DPYD: variants seen among roughly 807,000 people sequenced by gnomAD.
The protein encoded by DPYD is dihydropyrimidine dehydrogenase [NADP(+)].
A neutral mutation model predicts 116.2 loss-of-function variants in DPYD; 109 were observed. The observed-to-expected ratio is 0.94, with a 90% CI of 0.80 to 1.10. The LOEUF (loss-of-function observed/expected upper bound fraction) is 1.10. DPYD is among the 50% of genes least tolerant of loss of function. The pLI is 0.00. For synonymous variants in DPYD, 440 were observed against 432.0 expected, an observed-to-expected ratio of 1.02 and a Z score of -0.23; for missense variants, 1,302 against 1,254.5, an observed-to-expected ratio of 1.04 and a Z score of -0.57.
At chr1:97,735,732 C>A (rs1270473867) in intron 4 of DPYD, among the ~76,000 whole-genome samples, 4 of 145,576 alleles carry the variant, frequency 2.7e-5, no homozygotes, top group African/African-American at 5.1e-5. Flanking sequence ...ATAAATAAAA[C>A]AATAAAAGTC....
At chr1:97,857,692 G>A (rs1670915767) in intron 2 of DPYD, among the ~76,000 whole-genome samples, 1 of 152,046 alleles carries the variant, frequency 6.6e-6, no homozygotes. Context: ...CAAGAAACAG[G>A]CAAGTGTAAA....
intron 5 of DPYD, chr1:97,720,238 A>T (rs1336647552): frequency 1.0e-6 from 1 of 984,958 alleles, no homozygotes; most frequent in African/African-American, 1.7e-5. Flanking sequence ...TATCATTTTA[A>T]TTCATTTTGT....
intron 8 of DPYD, among the ~76,000 whole-genome samples, chr1:97,645,141 G>A (rs1658181251): frequency 6.6e-6 from 1 of 151,958 alleles, no homozygotes; most frequent in African/African-American, 2.4e-5. Flanking sequence ...GGACATTTAG[G>A]TTGTTTCCAT....
rs72730001 is a variant in DPYD, at chr1:97,550,009, C to T, written c.1340-265G>A. Among the ~76,000 whole-genome samples, 740 of 152,146 alleles carry T rather than the reference C, an allele frequency of 4.9e-3. 9 individuals carry two copies. Among genetic ancestry groups the T allele is most frequent in the African/African-American group, 0.017 (695 of 41,498 alleles). ...GTTTCAGAGCGGACATTTATGTCTA[C>T]GAAGTATGGATCTATAAAGAAGGAA... is the stretch of plus-strand genomic sequence containing the variant. On this transcript the variant is annotated intron_variant, in intron 11 of 22. Coordinates refer to ENST00000370192, the MANE Select transcript of DPYD (RefSeq NM_000110.4).
intron 2 of DPYD, among the ~76,000 whole-genome samples, chr1:97,846,240 GCTCCGTGTCTTTTTTCCCCATACCTTGCT>G (rs1319110913): frequency 3.3e-4 from 51 of 152,294 alleles, no homozygotes; most frequent in African/African-American, 1.2e-3. Flanking sequence ...GGACATGGAA[GCTCCGTGTCTTTTTTCCCCATACCTTGCT>G]CTATGCATCT....
chr1:97,749,602 A>C (rs1344491021), intron 3 of DPYD, among the ~76,000 whole-genome samples: 4 of 152,184 alleles, frequency 2.6e-5, no homozygotes, highest in Non-Finnish European at 4.4e-5. Context: ...AAATGCAACC[A>C]CATATATCCA....
chr1:97,080,894 G>A (rs565439539), intron 22 of DPYD, among the ~76,000 whole-genome samples: 9 of 152,128 alleles, frequency 5.9e-5, no homozygotes, highest in African/African-American at 2.2e-4. Flanking sequence ...GTTGTTCCAA[G>A]TCTAGAATTC....
chr1:97,085,848 G>C (rs1649475293), intron 21 of DPYD, among the ~76,000 whole-genome samples: 1 of 152,286 alleles, frequency 6.6e-6, no homozygotes, highest in Admixed American at 6.5e-5. Flanking sequence ...GCAGTATGGT[G>C]TAGCCATCCC....
intron 18 of DPYD, among the ~76,000 whole-genome samples, chr1:97,240,679 G>C (rs944966791): frequency 1.3e-5 from 2 of 151,848 alleles, no homozygotes; most frequent in Middle Eastern, 6.4e-3. Flanking sequence ...ATTGAACCTT[G>C]ACTGTCTAAT....
intron 1 of DPYD, among the ~76,000 whole-genome samples, chr1:97,891,344 A>T (rs1253231382): frequency 6.6e-6 from 1 of 151,896 alleles, no homozygotes. Flanking sequence ...TTTTTCTCTC[A>T]TCAAAGAATT....
intron 8 of DPYD, among the ~76,000 whole-genome samples, chr1:97,630,071 AATATG>A (rs566669029): frequency 7.3e-4 from 111 of 152,136 alleles, no homozygotes; most frequent in South Asian, 1.5e-3. Context: ...AACTAGTACT[AATATG>A]ATATATATTA....
At chr1:97,606,470 A>G (rs1655608787) in intron 8 of DPYD, among the ~76,000 whole-genome samples, 1 of 151,970 alleles carries the variant, frequency 6.6e-6, no homozygotes, top group Non-Finnish European at 1.5e-5. Flanking sequence ...GTCTTAAAAG[A>G]TTAATGTTTC....
intron 19 of DPYD, among the ~76,000 whole-genome samples, chr1:97,229,819 T>C (rs549296114): frequency 1.4e-3 from 206 of 152,158 alleles, no homozygotes; most frequent in African/African-American, 4.6e-3. Flanking sequence ...TTTACATTTT[T>C]AACAAAATCA....
At chr1:97,630,696 A>G (rs980135361) in intron 8 of DPYD, among the ~76,000 whole-genome samples, 6 of 152,136 alleles carry the variant, frequency 3.9e-5, no homozygotes, top group Non-Finnish European at 8.8e-5. Context: ...TTCCCAGTAA[A>G]TAACAAGTTT....
intron 1 of DPYD, among the ~76,000 whole-genome samples, chr1:97,910,695 C>A (rs1196546205): frequency 6.6e-6 from 1 of 152,066 alleles, no homozygotes; most frequent in Non-Finnish European, 1.5e-5. Flanking sequence ...CCTTCCACTA[C>A]AATCAGACTA....
chr1:97,540,350 C>A (rs1225324304), intron 12 of DPYD, among the ~76,000 whole-genome samples: 8 of 47,020 alleles, frequency 1.7e-4, no homozygotes, highest in African/African-American at 7.2e-4. Context: ...GGGGTGGCGG[C>A]GGGGCAGGGA....
chr1:97,489,732 T>A (rs1211679884), intron 13 of DPYD, among the ~76,000 whole-genome samples: 1 of 152,196 alleles, frequency 6.6e-6, no homozygotes, highest in Non-Finnish European at 1.5e-5. Flanking sequence ...ATGCATGAAC[T>A]CAGTAAATTA....
intron 12 of DPYD, among the ~76,000 whole-genome samples, 159 bp from the exon 13 acceptor site, chr1:97,516,100 C>T (rs1648218422): frequency 6.6e-6 from 1 of 151,884 alleles, no homozygotes; most frequent in African/African-American, 2.4e-5. Context: ...GAGCAGTGAA[C>T]TGAATTCATA....
chr1:97,100,372 A>G (rs1650579465), intron 20 of DPYD, among the ~76,000 whole-genome samples: 1 of 152,064 alleles, frequency 6.6e-6, no homozygotes, highest in African/African-American at 2.4e-5. Flanking sequence ...TCCACATGAT[A>G]TAAATCTTCA....
Sources: gnomAD v4.1 joint callset for allele counts (sites outside exome capture counted in the v4.1 genomes callset) on GRCh38, gnomAD v4.1.1 for gene constraint, MANE v1.5 for transcripts, NCBI Gene and HGNC (gene_info 2026-07-23, HGNC 2026-07-21) for gene names.